Variants in SYNJ2BP observed in about 807,000 individuals in gnomAD.
SYNJ2BP encodes the protein synaptojanin 2 binding protein, also known as synaptojanin-2-binding protein.
SYNJ2BP carries 10 observed loss-of-function variants against 16.9 expected under a neutral mutation model. The observed-to-expected ratio is 0.59, with a 90% confidence interval of 0.36 to 1.00. The LOEUF (loss-of-function observed/expected upper bound fraction) is 1.00, where lower values mean the gene tolerates loss of function less well. SYNJ2BP is among the 50% of genes least tolerant of loss of function. The pLI, the probability that SYNJ2BP is intolerant of heterozygous loss-of-function variation, is 0.01. For missense variants in SYNJ2BP, 162 were observed against 186.7 expected, an observed-to-expected ratio of 0.87 and a Z score of 0.77; for synonymous variants, 54 against 68.4, an observed-to-expected ratio of 0.79 and a Z score of 1.04.
At chr14:70,373,250 G>A in intron 3 of SYNJ2BP, 119 bp from the exon 4 acceptor site, 1 of 1,284,220 alleles carries the variant, frequency 7.8e-7, no homozygotes, top group South Asian at 1.5e-5. Flanking sequence ...GTAACCCCCA[G>A]CAATACCTAG....
chr14:70,389,753 C>G (rs1887940191), intron 1 of SYNJ2BP, among the ~76,000 whole-genome samples: 1 of 152,168 alleles, frequency 6.6e-6, no homozygotes, highest in Non-Finnish European at 1.5e-5. Flanking sequence ...TGGATTTGGG[C>G]TACTCAATCT....
intron 1 of SYNJ2BP, among the ~76,000 whole-genome samples, chr14:70,413,401 G>A (rs1888531598): frequency 6.6e-6 from 1 of 152,242 alleles, no homozygotes; most frequent in Non-Finnish European, 1.5e-5. Context: ...AACTTTGGGA[G>A]GCCAAGGCAG....
In SYNJ2BP at chr14:70,370,099, T is replaced by C. The variant is rs930466367; in HGVS notation, c.*2892A>G. 7.9e-5 allele frequency: 12 copies of C among 152,358 alleles called. No homozygotes were observed. Among genetic ancestry groups the C allele is most frequent in the Non-Finnish European group, 1.3e-4 (9 of 68,036 alleles). The allele number at this position is 152,358 out of a possible 1,614,324, so 9.4% of individuals were successfully genotyped here. A position where few individuals can be genotyped will look rare whatever the true frequency, so the allele number is the denominator to read the frequency against. On this transcript the variant is annotated 3_prime_UTR_variant, in exon 4 of 4. Transcript: ENST00000256366. ...TTAATTTCTGAGAAAACCTAAGTTA[T>C]AAGAGTACATCAGAATCTCTATTAT...
intron 1 of SYNJ2BP, among the ~76,000 whole-genome samples, chr14:70,403,607 A>G (rs1394076235): frequency 6.6e-6 from 1 of 152,250 alleles, no homozygotes; most frequent in Non-Finnish European, 1.5e-5. Flanking sequence ...TACAAATGCC[A>G]TGGCAATGTC....
intron 1 of SYNJ2BP, among the ~76,000 whole-genome samples, chr14:70,409,025 A>G (rs1416383980): frequency 6.6e-6 from 1 of 152,088 alleles, no homozygotes; most frequent in African/African-American, 2.4e-5. Context: ...CAGCCTCCCA[A>G]GTAGCTAGGA....
intron 1 of SYNJ2BP, among the ~76,000 whole-genome samples, chr14:70,408,023 C>T (rs2140869544): frequency 6.6e-6 from 1 of 152,074 alleles, no homozygotes; most frequent in South Asian, 2.1e-4. Flanking sequence ...GAAAATTACA[C>T]CTAGGTCAGG....
chr14:70,399,532 G>A (rs1337490239), intron 1 of SYNJ2BP, among the ~76,000 whole-genome samples: 3 of 152,278 alleles, frequency 2.0e-5, no homozygotes, highest in Admixed American at 6.5e-5. Flanking sequence ...GAGGGTGGGG[G>A]ACACACAGTT....
At chr14:70,393,026 T>C (rs1888012673) in intron 1 of SYNJ2BP, among the ~76,000 whole-genome samples, 1 of 152,160 alleles carries the variant, frequency 6.6e-6, no homozygotes, top group African/African-American at 2.4e-5. Flanking sequence ...ACAGGTAACC[T>C]ACAAAATGGG....
At chr14:70,376,391 A>T (rs1431345825) in intron 2 of SYNJ2BP, among the ~76,000 whole-genome samples, 1 of 152,224 alleles carries the variant, frequency 6.6e-6, no homozygotes, top group Non-Finnish European at 1.5e-5. Flanking sequence ...ATCCTTAAAA[A>T]AATTTCAGTG....
intron 2 of SYNJ2BP, among the ~76,000 whole-genome samples, chr14:70,377,588 T>C (rs1887659723): frequency 1.3e-5 from 2 of 152,218 alleles, no homozygotes; most frequent in Non-Finnish European, 2.9e-5. Context: ...CTACATTTTC[T>C]TTCCTTCTCC....
chr14:70,374,075 G>A (rs1481222276), intron 3 of SYNJ2BP, among the ~76,000 whole-genome samples: 5 of 152,216 alleles, frequency 3.3e-5, no homozygotes, highest in Admixed American at 6.5e-5. Context: ...TTAGGGCTAG[G>A]CCAATTGCCT....
Position 70,398,534 on chromosome 14 carries a change from T to G in SYNJ2BP, c.65-9928A>C, listed in dbSNP as rs115682908. On this transcript the variant is annotated intron_variant, in intron 1 of 3. Coordinates refer to ENST00000256366, the MANE Select transcript of SYNJ2BP (RefSeq NM_018373.3). ...AGCACTGCCCTAAGTGTGTACACAC[T>G]GGGCCGGGCTTTGACAGCACTCAGA... Among the ~76,000 whole-genome samples, 1,366 of 152,258 alleles carry G rather than the reference T, an allele frequency of 9.0e-3. 14 individuals carry two copies. Among genetic ancestry groups the G allele is most frequent in the African/African-American group, 0.031 (1,278 of 41,556 alleles).
chr14:70,373,280 G>T, intron 3 of SYNJ2BP, 149 bp from the exon 4 acceptor site: 2 of 1,044,764 alleles, frequency 1.9e-6, no homozygotes, highest in Non-Finnish European at 1.3e-6. Context: ...TCCTCTCTTT[G>T]TCCTGAGCTG....
chr14:70,416,830 C>T, intron 1 of SYNJ2BP, 70 bp downstream of exon 1: 11 of 1,608,242 alleles, frequency 6.8e-6, no homozygotes, highest in Non-Finnish European at 9.3e-6. Flanking sequence ...GAATCCGGCT[C>T]AGCAGCAGAG....
At chr14:70,388,850 T>G (rs1887918091) in intron 1 of SYNJ2BP, among the ~76,000 whole-genome samples, 1 of 152,106 alleles carries the variant, frequency 6.6e-6, no homozygotes, top group African/African-American at 2.4e-5. Flanking sequence ...TCCACCTGTT[T>G]TGTTCAATAT....
At chr14:70,408,673 C>CAAAA (rs71105711) in intron 1 of SYNJ2BP, among the ~76,000 whole-genome samples, 20 of 143,938 alleles carry the variant, frequency 1.4e-4, no homozygotes, top group African/African-American at 3.6e-4. Context: ...AACTCCGTCT[C>CAAAA]AAAAAAAAAA....
At chr14:70,412,481 G>A (rs1015764155) in intron 1 of SYNJ2BP, among the ~76,000 whole-genome samples, 25 of 105,316 alleles carry the variant, frequency 2.4e-4, no homozygotes, top group Non-Finnish European at 4.7e-4. Flanking sequence ...TATATATACA[G>A]TATATATATG....
At chr14:70,390,595 G>C (rs565185567) in intron 1 of SYNJ2BP, among the ~76,000 whole-genome samples, 35 of 151,996 alleles carry the variant, frequency 2.3e-4, no homozygotes, top group South Asian at 4.2e-4. Context: ...GTGAACCCGG[G>C]AGGTGGAGTT....
chr14:70,381,361 G>C (rs1198886384), intron 2 of SYNJ2BP, among the ~76,000 whole-genome samples: 1 of 152,106 alleles, frequency 6.6e-6, no homozygotes, highest in East Asian at 1.9e-4. Flanking sequence ...CCAAATAAGA[G>C]ACCTTTTAGA....
Sources: gnomAD v4.1 joint callset for allele counts (sites outside exome capture counted in the v4.1 genomes callset) on GRCh38, gnomAD v4.1.1 for gene constraint, MANE v1.5 for transcripts, NCBI Gene and HGNC (gene_info 2026-07-23, HGNC 2026-07-21) for gene names.